Variants in RALGAPA1 observed in about 807,000 individuals in gnomAD.
RALGAPA1 encodes the protein Ral GTPase activating protein catalytic subunit alpha 1.
RALGAPA1 carries 52 observed loss-of-function variants against 269.6 expected under a neutral mutation model. The observed-to-expected ratio is 0.19, with a 90% CI of 0.15 to 0.24. The LOEUF is 0.24. Among genes scored for constraint, RALGAPA1 ranks in the 10% least tolerant of loss-of-function variants. The probability of loss-of-function intolerance (pLI) is 1.00; values close to 1 mark genes in which losing one functional copy is unlikely to be tolerated. For missense variants in RALGAPA1, 1,917 were observed against 3,013.9 expected (o/e 0.64, Z 8.52); for synonymous variants, 817 against 1,008.3 (o/e 0.81, Z 3.60).
chr14:35,595,601 C>G, intron 37 of RALGAPA1, 33 bp downstream of exon 37: 2 of 1,570,884 alleles, frequency 1.3e-6, no homozygotes, highest in Admixed American at 1.7e-5. Context: ...CAATTATGAG[C>G]ATTTTAATTT....
chr14:35,539,720 GTT>G (rs1456601949), intron 41 of RALGAPA1, 30 bp from the exon 42 acceptor site: 1 of 1,610,538 alleles, frequency 6.2e-7, no homozygotes, highest in Non-Finnish European at 8.5e-7. Context: ...CATTACTACA[GTT>G]ATCCAGCCTC....
intron 12 of RALGAPA1, among the ~76,000 whole-genome samples, chr14:35,733,199 T>A (rs1207214154): frequency 1.3e-5 from 2 of 152,030 alleles, no homozygotes; most frequent in African/African-American, 4.8e-5. Flanking sequence ...TTCTTCTGGC[T>A]GGGCACGGTG....
chr14:35,734,467 T>C (rs1412595641), intron 12 of RALGAPA1, among the ~76,000 whole-genome samples: 1 of 152,188 alleles, frequency 6.6e-6, no homozygotes, highest in East Asian at 1.9e-4. Flanking sequence ...GGACACCTTT[T>C]CAATAAATGG....
chr14:35,542,715 T>C (rs2054120200), intron 41 of RALGAPA1, among the ~76,000 whole-genome samples: 1 of 152,218 alleles, frequency 6.6e-6, no homozygotes, highest in African/African-American at 2.4e-5. Flanking sequence ...ATTATTAATA[T>C]ATCCTCAAGG....
At chr14:35,558,184 T>G (rs2055818324) in intron 39 of RALGAPA1, among the ~76,000 whole-genome samples, 1 of 152,130 alleles carries the variant, frequency 6.6e-6, no homozygotes. Context: ...ACGACTGAAA[T>G]AGTTATGAGC....
At chr14:35,627,049 GA>G (rs34349314) in intron 34 of RALGAPA1, 40 bp downstream of exon 34, 7,513 of 1,104,694 alleles carry the variant, frequency 6.8e-3, no homozygotes, top group South Asian at 0.014. Flanking sequence ...GAATAAGACC[GA>G]AAAAAAAAAA....
At chr14:35,566,890 C>CTATA (rs143621002) in intron 39 of RALGAPA1, among the ~76,000 whole-genome samples, 3 of 145,354 alleles carry the variant, frequency 2.1e-5, no homozygotes, top group Admixed American at 6.9e-5. Context: ...TATATTTGTA[C>CTATA]TATATATATA....
chr14:35,708,556 C>T (rs2068014740), intron 16 of RALGAPA1, among the ~76,000 whole-genome samples: 1 of 151,896 alleles, frequency 6.6e-6, no homozygotes, highest in Non-Finnish European at 1.5e-5. Flanking sequence ...ATGAGATAGC[C>T]CACCCCAGCT....
intron 33 of RALGAPA1, among the ~76,000 whole-genome samples, 196 bp downstream of exon 33, chr14:35,634,378 A>C (rs569073667): frequency 6.6e-6 from 1 of 152,358 alleles, no homozygotes; most frequent in Non-Finnish European, 1.5e-5. Context: ...CATAAAAGCA[A>C]TGTCAACATA....
At chr14:35,652,181 T>C (rs182569405) in intron 30 of RALGAPA1, among the ~76,000 whole-genome samples, 59 of 152,154 alleles carry the variant, frequency 3.9e-4, no homozygotes, top group African/African-American at 1.4e-3. Flanking sequence ...TATATGTTCA[T>C]TATAGAAAAA....
In RALGAPA1 at chr14:35,598,820, A is replaced by G. The variant is rs139128363; in HGVS notation, c.7054-3031T>C. ...TCTCTGTCTTTTAATTGGTACATTTAGATCATTTATATTTCATGTAATTAT... is the reference window on the plus strand; with the variant it reads ...TCTCTGTCTTTTAATTGGTACATTTGGATCATTTATATTTCATGTAATTAT... On this transcript the variant is annotated intron_variant, in intron 36 of 41. Transcript: ENST00000680220. 5.3e-5 allele frequency among the ~76,000 whole-genome samples: 8 copies of G among 152,190 alleles called. 1 individual carries two copies. In the South Asian group the frequency reaches 1.5e-3, roughly 28 times the overall value.
intron 7 of RALGAPA1, among the ~76,000 whole-genome samples, chr14:35,753,809 T>C (rs1301051034): frequency 2.0e-5 from 3 of 152,184 alleles, no homozygotes; most frequent in Non-Finnish European, 4.4e-5. Context: ...GAACTGTACG[T>C]TTTAAGTGAG....
chr14:35,593,744 G>C (rs1566772705), intron 37 of RALGAPA1, among the ~76,000 whole-genome samples: 1 of 152,038 alleles, frequency 6.6e-6, no homozygotes, highest in Non-Finnish European at 1.5e-5. Context: ...TATAGTTACA[G>C]CTACTCAGGA....
Position 35,728,435 on chromosome 14 carries a change from T to C in RALGAPA1, c.1663A>G (p.Thr555Ala). 1.2e-6 allele frequency: 2 copies of C among 1,609,218 alleles called. No homozygotes were observed. The highest frequency in any genetic ancestry group is 8.5e-7 in the Non-Finnish European group (1 of 1,178,334). Residue 555 changes from threonine to alanine, a missense_variant, in exon 13 of 42, where the codon ACA (threonine) becomes GCA (alanine). Physicochemically the swap from Thr to Ala is moderately conservative, Grantham distance 58. Coordinates refer to ENST00000680220, the MANE Select transcript of RALGAPA1 (RefSeq NM_001346249.2). ...TTAAGAATGCGTTTACACATATCTG[T>C]GTGTTCATCCAGAAGATTTTTTATT... ...NEIKNLLDEH[T>A]DMCKRILNIY... is the part of the protein sequence containing the mutation.
chr14:35,671,635 T>C, intron 25 of RALGAPA1, 118 bp from the exon 26 acceptor site: 2 of 491,424 alleles, frequency 4.1e-6, no homozygotes, highest in East Asian at 3.1e-5. Context: ...TTACTGTACA[T>C]TGGCTAACTG....
intron 34 of RALGAPA1, among the ~76,000 whole-genome samples, chr14:35,626,631 T>A (rs1300128067): frequency 1.3e-5 from 2 of 152,186 alleles, no homozygotes; most frequent in African/African-American, 4.8e-5. Flanking sequence ...AGCTCCTACC[T>A]AACTTACTTG....
At chr14:35,732,595 T>A (rs2070605955) in intron 12 of RALGAPA1, among the ~76,000 whole-genome samples, 1 of 152,058 alleles carries the variant, frequency 6.6e-6, no homozygotes, top group Non-Finnish European at 1.5e-5. Context: ...CGAACAGGGG[T>A]AGCAATTCTT....
At chr14:35,777,410 T>C (rs1410139960) in intron 1 of RALGAPA1, among the ~76,000 whole-genome samples, 1 of 152,148 alleles carries the variant, frequency 6.6e-6, no homozygotes, top group African/African-American at 2.4e-5. Context: ...CTAGGGAGCA[T>C]GACTAGTTTT....
chr14:35,792,118 A>G (rs987018877), intron 1 of RALGAPA1, among the ~76,000 whole-genome samples: 1 of 152,054 alleles, frequency 6.6e-6, no homozygotes, highest in South Asian at 2.1e-4. Context: ...TCACATAGGC[A>G]AAGGAAAGCC....
Sources: gnomAD v4.1 joint callset for allele counts (sites outside exome capture counted in the v4.1 genomes callset) on GRCh38, gnomAD v4.1.1 for gene constraint, MANE v1.5 for transcripts, NCBI Gene and HGNC (gene_info 2026-07-23, HGNC 2026-07-21) for gene names.